PCDHA3: variants seen among roughly 807,000 people sequenced by gnomAD.
PCDHA3 encodes protocadherin alpha-3.
PCDHA3 carries 41 observed loss-of-function variants against 62.2 expected under a neutral mutation model. That is an observed-to-expected ratio of 0.66 (90% CI 0.51 to 0.86). The LOEUF (loss-of-function observed/expected upper bound fraction) is 0.86, where lower values mean the gene tolerates loss of function less well. Ranked by LOEUF, PCDHA3 falls within the 40% of genes least tolerant of loss-of-function variation. PCDHA3 has a pLI of 0.00. For missense variants in PCDHA3, 1,304 were observed against 1,241.2 expected, an observed-to-expected ratio of 1.05 and a Z score of -0.76; for synonymous variants, 640 against 555.4, an observed-to-expected ratio of 1.15 and a Z score of -2.14.
At chr5:140,903,370 G>A (rs1185137848) in intron 1 of PCDHA3, among the ~76,000 whole-genome samples, 8 of 152,136 alleles carry the variant, frequency 5.3e-5, no homozygotes, top group African/African-American at 1.9e-4. Flanking sequence ...AAAAATATAG[G>A]GAGGATTGTG....
At chr5:140,877,649 C>A (rs369703340) in intron 1 of PCDHA3, 1 of 1,613,438 alleles carries the variant, frequency 6.2e-7, no homozygotes, top group Non-Finnish European at 8.5e-7. Context: ...TGCTCAGCGC[C>A]GCCCACCGTG....
intron 2 of PCDHA3, among the ~76,000 whole-genome samples, chr5:140,980,115 G>A (rs1263722649): frequency 6.6e-6 from 1 of 152,142 alleles, no homozygotes; most frequent in African/African-American, 2.4e-5. Flanking sequence ...ATTGGAACCT[G>A]GGTCATAATT....
intron 1 of PCDHA3, among the ~76,000 whole-genome samples, chr5:140,948,089 G>A (rs1348120900): frequency 6.6e-6 from 1 of 151,454 alleles, no homozygotes; most frequent in African/African-American, 2.4e-5. Flanking sequence ...CTATTGATAT[G>A]AGCATATGAT....
At chr5:140,898,430 C>G (rs2153460461) in intron 1 of PCDHA3, among the ~76,000 whole-genome samples, 1 of 152,270 alleles carries the variant, frequency 6.6e-6, no homozygotes, top group East Asian at 1.9e-4. Flanking sequence ...TTCCCAGCAC[C>G]ATTTATTAAA....
At chr5:140,852,881 A>G in intron 1 of PCDHA3, 1 of 940,356 alleles carries the variant, frequency 1.1e-6, no homozygotes, top group Non-Finnish European at 1.3e-6. Flanking sequence ...TAATCATAAA[A>G]CGTATTTTTT....
chr5:140,872,593 A>T (rs1214441484), intron 1 of PCDHA3, among the ~76,000 whole-genome samples: 1 of 152,160 alleles, frequency 6.6e-6, no homozygotes, highest in African/African-American at 2.4e-5. Flanking sequence ...TGAGACCCCC[A>T]TCTGAAAAAA....
At chr5:140,829,536 C>T (rs1554132056) in intron 1 of PCDHA3, 1 of 1,613,152 alleles carries the variant, frequency 6.2e-7, no homozygotes, top group Non-Finnish European at 8.5e-7. Context: ...GCGCGAGACG[C>T]GGACGCGCAG....
chr5:141,003,453 A>T (rs2098125483), intron 3 of PCDHA3, among the ~76,000 whole-genome samples: 1 of 152,126 alleles, frequency 6.6e-6, no homozygotes, highest in East Asian at 1.9e-4. Flanking sequence ...ATGAAATTAC[A>T]GGCGTGCACC....
intron 1 of PCDHA3, chr5:140,810,600 A>G (rs1040320772): frequency 6.6e-6 from 1 of 152,078 alleles, no homozygotes; most frequent in African/African-American, 2.4e-5. Context: ...TTATTTTGGC[A>G]ATTTTTATAC....
chr5:140,920,511 A>G (rs564811520), intron 1 of PCDHA3, among the ~76,000 whole-genome samples: 1 of 152,284 alleles, frequency 6.6e-6, no homozygotes, highest in East Asian at 1.9e-4. Flanking sequence ...ATACTGTTTT[A>G]TGCAATTCGT....
At chr5:140,878,550 A>T (rs1483801784) in intron 1 of PCDHA3, among the ~76,000 whole-genome samples, 1 of 152,212 alleles carries the variant, frequency 6.6e-6, no homozygotes, top group African/African-American at 2.4e-5. Flanking sequence ...GTTTCAGATG[A>T]TCCCAAACTT....
chr5:141,001,999 A>G (rs1554258445), intron 3 of PCDHA3, among the ~76,000 whole-genome samples: 1 of 152,198 alleles, frequency 6.6e-6, no homozygotes, highest in African/African-American at 2.4e-5. Flanking sequence ...TTCACTTGCA[A>G]ACACAGAATC....
At chr5:140,959,234 G>A (rs2095475246) in intron 1 of PCDHA3, among the ~76,000 whole-genome samples, 2 of 152,106 alleles carry the variant, frequency 1.3e-5, no homozygotes, top group Admixed American at 6.5e-5. Context: ...AAAATTATCT[G>A]GGCATGATAG....
At chr5:140,822,112 C>T in intron 1 of PCDHA3, 1 of 1,614,250 alleles carries the variant, frequency 6.2e-7, no homozygotes, top group Non-Finnish European at 8.5e-7. Flanking sequence ...GGACAGGCCG[C>T]TGCAGGTTTT....
Position 140,830,206 on chromosome 5 carries a change from C to T in PCDHA3, c.2394+26615C>T, listed in dbSNP as rs144997304. 2.0e-5 allele frequency: 32 copies of T among 1,613,660 alleles called. No individual in the cohort carries two copies. The Admixed American group carries it at 2.0e-4, about 10-fold the overall frequency. On this transcript the variant is annotated intron_variant, in intron 1 of 3. Coordinates refer to ENST00000522353, the MANE Select transcript of PCDHA3 (RefSeq NM_018906.3). Reference sequence around the variant, plus strand: ...ACGTGTACCTGATCATCGCCATCTGCGCGGTATCCAGCCTGCTGGTCCTCA... The same window carrying T: ...ACGTGTACCTGATCATCGCCATCTGTGCGGTATCCAGCCTGCTGGTCCTCA...
chr5:140,851,970 CTACCTT>C, intron 1 of PCDHA3: 3 of 977,062 alleles, frequency 3.1e-6, no homozygotes, highest in Non-Finnish European at 2.5e-6. Context: ...TTTCCACACT[CTACCTT>C]TAGTGCAAGC....
At position 140,870,296 on chromosome 5, in the gene PCDHA3, C is replaced by T. The variant is rs782782375; in HGVS notation, c.2394+66705C>T. ...CCCCACGTTCCCTTCAAGCTGGTGTCCACCTTCAAGAATTACTACTCGTTG... is the reference window on the plus strand; with the variant it reads ...CCCCACGTTCCCTTCAAGCTGGTGTTCACCTTCAAGAATTACTACTCGTTG... On this transcript the variant is annotated intron_variant, in intron 1 of 3. Transcript: ENST00000522353. 1.2e-5 allele frequency: 20 copies of T among 1,614,086 alleles called. No homozygotes were observed. In the African/African-American group the frequency reaches 2.3e-4, roughly 18 times the overall value.
At chr5:140,993,673 TG>T (rs2097577380) in intron 3 of PCDHA3, among the ~76,000 whole-genome samples, 1 of 152,322 alleles carries the variant, frequency 6.6e-6, no homozygotes, top group East Asian at 1.9e-4. Context: ...GGACCACATA[TG>T]TGACAGCTGT....
At position 140,980,991 on chromosome 5, in the gene PCDHA3, C is replaced by G. The variant is rs888673669; in HGVS notation, c.2454-1484C>G. Among the ~76,000 whole-genome samples the G allele has an allele frequency of 1.2e-4, 18 of 151,972 alleles. 1 individual carries two copies. Among genetic ancestry groups the G allele is most frequent in the Non-Finnish European group, 8.8e-5 (6 of 68,014 alleles). ...AATCTGACTGAGCCCACACAATTTG[C>G]TAGTAGGATCCAGGAACACTTGAAG... On this transcript the variant is annotated intron_variant, in intron 2 of 3. Transcript: ENST00000522353.
Sources: gnomAD v4.1 joint callset for allele counts (sites outside exome capture counted in the v4.1 genomes callset) on GRCh38, gnomAD v4.1.1 for gene constraint, MANE v1.5 for transcripts, NCBI Gene and HGNC (gene_info 2026-07-23, HGNC 2026-07-21) for gene names.